The following ZNF318 variants were observed in gnomAD, a reference collection of about 807,000 sequenced individuals.
The protein encoded by ZNF318 is zinc finger protein 318.
ZNF318 carries 51 observed loss-of-function variants against 124.2 expected under a neutral mutation model. That is an observed-to-expected ratio of 0.41 (90% CI 0.33 to 0.52). The LOEUF is 0.52. Among genes scored for constraint, ZNF318 ranks in the 20% least tolerant of loss-of-function variants. The pLI is 0.23. For synonymous variants in ZNF318, 1,090 were observed against 1,040.7 expected (o/e 1.05, Z -0.91); for missense variants, 2,815 against 2,811.2 (o/e 1.00, Z -0.03).
chr6:43,357,700 T>C lies in ZNF318; in HGVS notation c.614A>G (p.Tyr205Cys), dbSNP rs747029696. 3 of 1,611,396 alleles carry C rather than the reference T, an allele frequency of 1.9e-6. No homozygotes were observed. Among genetic ancestry groups the C allele is most frequent in the Non-Finnish European group, 8.5e-7 (1 of 1,179,966 alleles). The stretch of plus-strand genomic sequence containing the variant: ...GAGAGGCCCTTCCTCCTGGGAAATA[T>C]ATCGCTCAAGACCCCGAGAGCACTG... ...SSQCSRGLERYISQEEGPLSP... is the reference protein window; with the variant it reads ...SSQCSRGLERCISQEEGPLSP... The change falls in exon 3 of 10, where the codon TAT (tyrosine) becomes TGT (cysteine). Residue 205 changes from tyrosine (Y) to cysteine (C), a missense_variant. This residue lies in a region of ZNF318 where 1,377 missense variants were observed against 1,353.5 expected (regional missense o/e 1.02). Transcript: ENST00000361428.
intron 4 of ZNF318, 38 bp from the exon 5 acceptor site, chr6:43,352,514 C>A: frequency 6.4e-7 from 1 of 1,553,924 alleles, no homozygotes. Flanking sequence ...CCATCTCCTC[C>A]AACATTCTCT....
chr6:43,351,664 G>C (rs1484694535), intron 5 of ZNF318, among the ~76,000 whole-genome samples: 1 of 152,014 alleles, frequency 6.6e-6, no homozygotes, highest in African/African-American at 2.4e-5. Flanking sequence ...GGGAGGCTGA[G>C]GCTTGAGAAT....
In ZNF318 at chr6:43,348,618, C is replaced by A; in HGVS notation, c.2778G>T (p.Met926Ile). 4 of 1,613,536 alleles carry A rather than the reference C, an allele frequency of 2.5e-6. No homozygotes were observed. The highest frequency in any genetic ancestry group is 2.2e-5 in the East Asian group (1 of 44,862). The change falls in exon 6 of 10, where the codon ATG (methionine) becomes ATT (isoleucine). Residue 926 changes from methionine (M) to isoleucine (I), a missense_variant. Coordinates refer to ENST00000361428, the MANE Select transcript of ZNF318 (RefSeq NM_014345.3). The stretch of plus-strand genomic sequence containing the variant: ...CCTTCTCCCTTCGTTTCTTGCGCAG[C>A]ATTTCTCCTGAGCAATCAAATGTCA... ...LERLHKQQGE[M>I]LRKKRREKDG...
chr6:43,367,176 T>C (rs1448229598), intron 1 of ZNF318, among the ~76,000 whole-genome samples: 1 of 152,196 alleles, frequency 6.6e-6, no homozygotes, highest in Non-Finnish European at 1.5e-5. Context: ...TAGTCCTTCT[T>C]AGTACTTAAT....
At position 43,357,762 on chromosome 6, in the gene ZNF318, A is replaced by G. The variant is rs538080951; in HGVS notation, c.552T>C (p.Asp184=). ...TGAAGACAGAATCATCAGTCAGGTC[A>G]TCCCTGAGGAAAAAGAGAAGCATCA... The part of the protein sequence containing the change: ...PVDNLEDMDR[D]DLTDDSVFTR... Residue 184 remains aspartate, a synonymous_variant, in exon 3 of 10, where the codon GAT becomes GAC. Transcript: ENST00000361428. The G allele has an allele frequency of 5.1e-6, 8 of 1,583,432 alleles. No homozygotes were observed. The South Asian group carries it at 9.0e-5, about 18-fold the overall frequency.
In ZNF318 at chr6:43,369,178, T is replaced by C; in HGVS notation, c.188A>G (p.His63Arg). 2 of 1,207,810 alleles carry C rather than the reference T, an allele frequency of 1.7e-6. No homozygotes were observed. The highest frequency in any genetic ancestry group is 2.1e-6 in the Non-Finnish European group (2 of 973,480). The allele number at this position is 1,207,810 out of a possible 1,614,324, so 74.8% of individuals were successfully genotyped here. A position where few individuals can be genotyped will look rare whatever the true frequency, so the allele number is the denominator to read the frequency against. The change falls in exon 1 of 10, where the codon CAC (histidine) becomes CGC (arginine). Residue 63 changes from histidine (H) to arginine (R), a missense_variant. Physicochemically the swap from His to Arg is conservative, Grantham distance 29. Transcript: ENST00000361428. ...PARRPRSPSG[H>R]RGRRASPSPP... ...GGACGGCGAGGCCCGGCGGCCGCGG[T>C]GCCCTGAGGGCGAGCGGGGTCGGCG...
At chr6:43,348,647 A>G (rs762422193) in intron 5 of ZNF318, 22 bp from the exon 6 acceptor site, 1 of 1,604,874 alleles carries the variant, frequency 6.2e-7, no homozygotes, top group Non-Finnish European at 8.5e-7. Context: ...AATGTCAACA[A>G]AAAGAAGCAC....
chr6:43,352,311 G>C, intron 5 of ZNF318, 66 bp downstream of exon 5: 2 of 1,072,950 alleles, frequency 1.9e-6, no homozygotes, highest in Non-Finnish European at 2.5e-6. Context: ...ACCTGTGTGA[G>C]AGTACCAAAT....
chr6:43,338,437 T>C lies in ZNF318; in HGVS notation c.5561A>G (p.Lys1854Arg), dbSNP rs771739720. ...GSETPSKVVIKLSPQACSFTK... is the reference protein window; with the variant it reads ...GSETPSKVVIRLSPQACSFTK... ...GAAAGAGCAAGCCTGTGGACTCAAT[T>C]TGATCACTACTTTACTTGGAGTTTC... is the stretch of plus-strand genomic sequence containing the variant. The change falls in exon 10 of 10, where the codon AAA becomes AGA. Residue 1854 changes from lysine (K) to arginine (R), a missense_variant. Lys to Arg is a conservative substitution (Grantham distance 26). Coordinates refer to ENST00000361428, the MANE Select transcript of ZNF318 (RefSeq NM_014345.3). 5.0e-6 allele frequency: 8 copies of C among 1,614,256 alleles called. No individual in the cohort carries two copies. The East Asian group carries it at 6.7e-5, about 13-fold the overall frequency.
At chr6:43,342,341 C>A in intron 7 of ZNF318, 130 bp from the exon 8 acceptor site, 1 of 653,392 alleles carries the variant, frequency 1.5e-6, no homozygotes, top group East Asian at 2.8e-5. Flanking sequence ...ACCCCCTCTG[C>A]CAACTGTTTT....
chr6:43,356,326 T>G (rs1295199998), intron 3 of ZNF318, among the ~76,000 whole-genome samples, 181 bp from the exon 4 acceptor site: 1 of 152,210 alleles, frequency 6.6e-6, no homozygotes, highest in Non-Finnish European at 1.5e-5. Context: ...TCCAGATGTT[T>G]CTACTGTTGA....
At chr6:43,364,773 C>G (rs1020613705) in intron 2 of ZNF318, among the ~76,000 whole-genome samples, 22 of 152,194 alleles carry the variant, frequency 1.4e-4, no homozygotes, top group African/African-American at 5.3e-4. Flanking sequence ...AATAACTGAA[C>G]TTAAACATTT....
chr6:43,354,761 G>A lies in ZNF318; in HGVS notation c.2573C>T (p.Ala858Val), dbSNP rs374413744. 84 of 1,614,156 alleles carry A rather than the reference G, an allele frequency of 5.2e-5. No homozygotes were observed. Among genetic ancestry groups the A allele is most frequent in the Admixed American group, 1.7e-4 (10 of 60,032 alleles). The change falls in exon 4 of 10, where the codon GCG (alanine) becomes GTG (valine). Residue 858 changes from alanine (A) to valine (V), a missense_variant. By Grantham distance (64) the Ala-to-Val change is moderately conservative (BLOSUM62 0). Transcript: ENST00000361428. ...QKESLRGSIP[A>V]AQVPVQVSIP... Reference sequence around the variant, plus strand: ...GGACACCTGGACAGGCACTTGGGCCGCAGGAATTGAGCCTCGCAGAGACTC... The same window carrying A: ...GGACACCTGGACAGGCACTTGGGCCACAGGAATTGAGCCTCGCAGAGACTC...
chr6:43,368,698 T>C (rs1034764261), intron 1 of ZNF318: 6 of 985,394 alleles, frequency 6.1e-6, no homozygotes, highest in South Asian at 4.7e-5. Context: ...TGGCAAACTT[T>C]CCACACCTCA....
At position 43,337,872 on chromosome 6, in the gene ZNF318, T is replaced by G; in HGVS notation, c.6126A>C (p.Lys2042Asn). 1 of 1,614,190 alleles carries G rather than the reference T, an allele frequency of 6.2e-7. No individual in the cohort carries two copies. ...AHRSPTVLCQ[K>N]VCEENSVSPI... ...GTGATACAGAATTTTCTTCACACACTTTCTGACACAAGACAGTTGGGGATC... is the reference window on the plus strand; with the variant it reads ...GTGATACAGAATTTTCTTCACACACGTTCTGACACAAGACAGTTGGGGATC... Residue 2042 changes from lysine to asparagine, a missense_variant, in exon 10 of 10, where the codon AAA becomes AAC. By Grantham distance (94) the Lys-to-Asn change is moderately conservative (BLOSUM62 0). Transcript: ENST00000361428.
chr6:43,362,324 G>A (rs537343607), intron 2 of ZNF318, among the ~76,000 whole-genome samples: 15 of 151,436 alleles, frequency 9.9e-5, no homozygotes, highest in African/African-American at 3.4e-4. Flanking sequence ...ATGGTAGTCC[G>A]CACCTGTAAT....
At position 43,354,955 on chromosome 6, in the gene ZNF318, G is replaced by T. The variant is rs1562133450; in HGVS notation, c.2379C>A (p.His793Gln). ...ATCTGGAGGCTGCATATGCCATGTAGTGCCTATAGGCATCAAAAGAGGCAG... is the reference window on the plus strand; with the variant it reads ...ATCTGGAGGCTGCATATGCCATGTATTGCCTATAGGCATCAAAAGAGGCAG... Reference protein sequence around the residue: ...IPPASFDAYRHYMAYAASRWP... With the variant: ...IPPASFDAYRQYMAYAASRWP... Residue 793 changes from histidine (H) to glutamine (Q), a missense_variant, in exon 4 of 10, where the codon CAC becomes CAA. This residue lies in a region of ZNF318 where 1,377 missense variants were observed against 1,353.5 expected (regional missense o/e 1.02). Coordinates refer to ENST00000361428, the MANE Select transcript of ZNF318 (RefSeq NM_014345.3). 6.2e-7 allele frequency: 1 copy of T among 1,609,530 alleles called. No individual in the cohort carries two copies. The highest frequency in any genetic ancestry group is 1.7e-5 in the Admixed American group (1 of 59,756).
At position 43,337,460 on chromosome 6, in the gene ZNF318, A is replaced by G; in HGVS notation, c.6538T>C (p.Ser2180Pro). The change falls in exon 10 of 10, where the codon TCT becomes CCT. Residue 2180 changes from serine to proline, a missense_variant. Ser to Pro is a moderately conservative substitution (Grantham distance 74). This residue lies in a region of ZNF318 where 927 missense variants were observed against 820.6 expected (regional missense o/e 1.13). Transcript: ENST00000361428. ...PDLVDFVTRT[S>P]GVQKDKLCSP... Reference sequence around the variant, plus strand: ...CACAGTTTATCTTTTTGAACTCCAGAGGTCCGTGTGACAAAGTCAACAAGG... The same window carrying G: ...CACAGTTTATCTTTTTGAACTCCAGGGGTCCGTGTGACAAAGTCAACAAGG... 2 of 1,614,206 alleles carry G rather than the reference A, an allele frequency of 1.2e-6. No homozygotes were observed. Among genetic ancestry groups the G allele is most frequent in the Non-Finnish European group, 1.7e-6 (2 of 1,180,034 alleles).
rs1419084823 is a variant in ZNF318 at position 43,355,760 on chromosome 6, C to T, written c.1574G>A (p.Arg525Gln). The part of the protein sequence containing the change: ...ADSTSTQEKR[R>Q]RSFPDIEDEE... Reference sequence around the variant, plus strand: ...ATCTTCAATGTCGGGAAAGCTACGTCGCCTTTTTTCCTGTGTACTGGTAGA... The same window carrying T: ...ATCTTCAATGTCGGGAAAGCTACGTTGCCTTTTTTCCTGTGTACTGGTAGA... Residue 525 changes from arginine (R) to glutamine (Q), a missense_variant, in exon 4 of 10, where the codon CGA becomes CAA. Around this residue, in one of 4 missense-constraint regions of ZNF318, gnomAD observed 1,377 missense variants for 1,353.5 expected, o/e 1.02. Coordinates refer to ENST00000361428, the MANE Select transcript of ZNF318 (RefSeq NM_014345.3). 26 of 1,614,218 alleles carry T rather than the reference C, an allele frequency of 1.6e-5. No individual in the cohort carries two copies. The highest frequency in any genetic ancestry group is 1.6e-4 in the East Asian group (7 of 44,888).
Sources: allele counts gnomAD v4.1 joint callset (sites outside exome capture counted in the v4.1 genomes callset), GRCh38; gene constraint gnomAD v4.1.1; regional missense constraint gnomAD v4.1.1; transcripts MANE v1.5; gene names NCBI Gene and HGNC (gene_info 2026-07-23, HGNC 2026-07-21).